RORA: variants seen among roughly 807,000 people sequenced by gnomAD.
RORA encodes nuclear receptor ROR-alpha.
A neutral mutation model predicts 69.5 loss-of-function variants in RORA; 7 were observed. The observed-to-expected ratio is 0.10, with a 90% CI of 0.06 to 0.19. The LOEUF (loss-of-function observed/expected upper bound fraction) is 0.19, where lower values mean the gene tolerates loss of function less well. RORA is among the 10% of genes least tolerant of loss of function. RORA has a pLI of 1.00. For synonymous variants in RORA, 261 were observed against 240.8 expected (o/e 1.08, Z -0.78); for missense variants, 457 against 663.0 (o/e 0.69, Z 3.41).
At chr15:60,780,128 A>T (rs2072232737) in intron 1 of RORA, among the ~76,000 whole-genome samples, 1 of 152,230 alleles carries the variant, frequency 6.6e-6, no homozygotes, top group Admixed American at 6.5e-5. Context: ...GAAATTAAAG[A>T]TAAATAGAGG....
intron 1 of RORA, among the ~76,000 whole-genome samples, chr15:61,051,608 T>A (rs1256987363): frequency 6.6e-6 from 1 of 152,188 alleles, no homozygotes; most frequent in African/African-American, 2.4e-5. Context: ...GTTTTAAGTG[T>A]GGCTCCATGA....
chr15:60,880,442 C>T (rs554793727), intron 1 of RORA, among the ~76,000 whole-genome samples: 2 of 152,136 alleles, frequency 1.3e-5, no homozygotes, highest in African/African-American at 2.4e-5. Flanking sequence ...AGATCGAGAC[C>T]GTCCGGGCCA....
chr15:60,954,653 G>A (rs1352329506), intron 1 of RORA, among the ~76,000 whole-genome samples: 1 of 152,098 alleles, frequency 6.6e-6, no homozygotes, highest in Non-Finnish European at 1.5e-5. Context: ...AACTTCAAGG[G>A]CAAATTCTAT....
In RORA at chr15:61,125,986, T is replaced by C. The variant is rs536652082; in HGVS notation, c.166+103067A>G. ...CTATGATACCAATTGACATAAGTAT[T>C]AATGTTGTGATCTTTTTGAAATCTT... On this transcript the variant is annotated intron_variant, in intron 1 of 10. Transcript: ENST00000335670. Among the ~76,000 whole-genome samples, 4 of 152,352 alleles carry C rather than the reference T, an allele frequency of 2.6e-5. No individual in the cohort carries two copies. In the South Asian group the frequency reaches 8.3e-4, roughly 32 times the overall value.
chr15:61,160,080 A>T (rs1412942737), intron 1 of RORA, among the ~76,000 whole-genome samples: 17 of 152,226 alleles, frequency 1.1e-4, no homozygotes. Context: ...CACCTACATC[A>T]AAAGGTTGTT....
chr15:61,005,143 T>G (rs902349004), intron 1 of RORA, among the ~76,000 whole-genome samples: 5 of 152,200 alleles, frequency 3.3e-5, no homozygotes, highest in Non-Finnish European at 4.4e-5. Context: ...ATAGGATGAT[T>G]GGTTAAGTCA....
At chr15:61,068,316 C>T (rs1474110092) in intron 1 of RORA, among the ~76,000 whole-genome samples, 2 of 147,726 alleles carry the variant, frequency 1.4e-5, no homozygotes, top group Non-Finnish European at 3.0e-5. Context: ...CAATGCTTAA[C>T]GGTGTGCACT....
At chr15:60,566,023 C>T (rs1221223693) in intron 2 of RORA, among the ~76,000 whole-genome samples, 1 of 152,138 alleles carries the variant, frequency 6.6e-6, no homozygotes, top group African/African-American at 2.4e-5. Context: ...AATTAACATA[C>T]ACTCATATGT....
intron 1 of RORA, among the ~76,000 whole-genome samples, chr15:60,874,577 A>T (rs1417338917): frequency 6.6e-6 from 1 of 152,212 alleles, no homozygotes; most frequent in Non-Finnish European, 1.5e-5. Flanking sequence ...TTAATATAGA[A>T]AGGCATGGGG....
intron 1 of RORA, among the ~76,000 whole-genome samples, chr15:61,019,031 C>T (rs747556057): frequency 9.9e-5 from 15 of 152,174 alleles, no homozygotes; most frequent in Non-Finnish European, 1.6e-4. Flanking sequence ...ATCTAATACA[C>T]CCTCTGAAAA....
At chr15:60,587,952 T>C in intron 2 of RORA, among the ~76,000 whole-genome samples, 1 of 152,192 alleles carries the variant, frequency 6.6e-6, no homozygotes. Flanking sequence ...AATCATGTTC[T>C]ATCATGTCAC....
intron 1 of RORA, among the ~76,000 whole-genome samples, chr15:60,989,530 C>T (rs1273048586): frequency 6.6e-6 from 1 of 152,070 alleles, no homozygotes. Context: ...TCTAAATATT[C>T]AAATTTCTGT....
At chr15:60,565,708 C>G (rs1185919157) in intron 2 of RORA, among the ~76,000 whole-genome samples, 1 of 152,220 alleles carries the variant, frequency 6.6e-6, no homozygotes, top group African/African-American at 2.4e-5. Context: ...TATATTAAAA[C>G]TCAATTTGGT....
At chr15:61,019,968 T>C (rs1895448957) in intron 1 of RORA, among the ~76,000 whole-genome samples, 1 of 152,186 alleles carries the variant, frequency 6.6e-6, no homozygotes. Flanking sequence ...TCTCTCTGTA[T>C]CCTTCACCAC....
At chr15:60,930,063 A>G (rs1354347803) in intron 1 of RORA, among the ~76,000 whole-genome samples, 1 of 152,160 alleles carries the variant, frequency 6.6e-6, no homozygotes, top group Non-Finnish European at 1.5e-5. Context: ...GGCCCTTGAA[A>G]TTTGGCTAGT....
intron 1 of RORA, among the ~76,000 whole-genome samples, chr15:61,194,391 C>T (rs1367257174): frequency 2.0e-5 from 3 of 152,154 alleles, no homozygotes; most frequent in African/African-American, 4.8e-5. Flanking sequence ...AACCCTGTCT[C>T]TACTAAAAAT....
chr15:60,994,482 T>C (rs1894469680), intron 1 of RORA, among the ~76,000 whole-genome samples: 1 of 152,224 alleles, frequency 6.6e-6, no homozygotes, highest in Non-Finnish European at 1.5e-5. Flanking sequence ...TTGACTACCA[T>C]TTCATGAGCC....
At chr15:60,556,708 A>G (rs910193903) in intron 2 of RORA, 3 of 664,874 alleles carry the variant, frequency 4.5e-6, no homozygotes, top group East Asian at 2.5e-5. Flanking sequence ...GAGATCCTCT[A>G]TGCCTGGAAG....
chr15:60,704,055 A>T (rs1020293951), intron 1 of RORA, among the ~76,000 whole-genome samples: 1 of 152,200 alleles, frequency 6.6e-6, no homozygotes, highest in African/African-American at 2.4e-5. Context: ...TTGATCATTT[A>T]CTAAAACTGC....
Sources: allele counts gnomAD v4.1 joint callset (sites outside exome capture counted in the v4.1 genomes callset), GRCh38; gene constraint gnomAD v4.1.1; transcripts MANE v1.5; gene names NCBI Gene and HGNC (gene_info 2026-07-23, HGNC 2026-07-21).